The following SARS1 variants were observed in gnomAD, a reference collection of about 807,000 sequenced individuals.
SARS1 encodes the protein seryl-tRNA synthetase 1.
In SARS1, 25 loss-of-function variants were observed where a neutral mutation model predicts 63.7. The observed-to-expected ratio is 0.39, with a 90% confidence interval of 0.29 to 0.55. The LOEUF (loss-of-function observed/expected upper bound fraction) is 0.55. Among genes scored for constraint, SARS1 ranks in the 20% least tolerant of loss-of-function variants. The pLI, the probability that SARS1 is intolerant of heterozygous loss-of-function variation, is 0.62. For synonymous variants in SARS1, 231 were observed against 243.5 expected, an observed-to-expected ratio of 0.95 and a Z score of 0.48; for missense variants, 417 against 649.7, an observed-to-expected ratio of 0.64 and a Z score of 3.89.
intron 9 of SARS1, 147 bp downstream of exon 9, chr1:109,236,695 CCTT>C: frequency 2.0e-6 from 3 of 1,485,350 alleles, no homozygotes; most frequent in Non-Finnish European, 2.7e-6. Flanking sequence ...TCTGAAAATG[CCTT>C]CTACTGAGTC....
chr1:109,219,215 G>A (rs146984002), intron 1 of SARS1, among the ~76,000 whole-genome samples: 2,577 of 136,878 alleles, frequency 0.019, 100 homozygotes, highest in African/African-American at 0.067. Flanking sequence ...GCAGTGAGCC[G>A]AGATCACACC....
chr1:109,218,272 C>G (rs1654840316), intron 1 of SARS1, among the ~76,000 whole-genome samples: 1 of 148,806 alleles, frequency 6.7e-6, no homozygotes, highest in Admixed American at 6.8e-5. Context: ...GAGGCCGAGG[C>G]AGGAGAATTG....
At chr1:109,219,005 A>G (rs952638642) in intron 1 of SARS1, among the ~76,000 whole-genome samples, 10 of 151,696 alleles carry the variant, frequency 6.6e-5, no homozygotes, top group Middle Eastern at 3.2e-3. Flanking sequence ...GGTGGCTCAC[A>G]CCTGTAATCC....
At chr1:109,215,425 C>G in intron 1 of SARS1, 6 of 985,370 alleles carry the variant, frequency 6.1e-6, no homozygotes, top group Non-Finnish European at 7.2e-6. Flanking sequence ...GGATTTGTCC[C>G]TTATCTGAAA....
intron 2 of SARS1, 47 bp from the exon 3 acceptor site, chr1:109,228,305 G>A: frequency 2.2e-6 from 3 of 1,351,332 alleles, no homozygotes; most frequent in East Asian, 4.6e-5. Flanking sequence ...AACAATGCCA[G>A]AGATTTTCTT....
intron 2 of SARS1, among the ~76,000 whole-genome samples, chr1:109,225,780 C>G (rs1288706010): frequency 1.3e-5 from 2 of 152,180 alleles, no homozygotes; most frequent in African/African-American, 4.8e-5. Flanking sequence ...AAATCATATT[C>G]TAACTTAGTT....
chr1:109,218,460 C>T (rs1318274005), intron 1 of SARS1, among the ~76,000 whole-genome samples: 2 of 143,124 alleles, frequency 1.4e-5, no homozygotes, highest in African/African-American at 2.6e-5. Context: ...ATGTTTTACA[C>T]TTAAAGCACC....
chr1:109,233,484 C>CT (rs11375361), intron 6 of SARS1, among the ~76,000 whole-genome samples: 98,551 of 146,134 alleles, frequency 0.67, 35,234 homozygotes, highest in East Asian at 0.89. Context: ...TTCTTCCTTA[C>CT]TTTTTTTTTT....
intron 1 of SARS1, among the ~76,000 whole-genome samples, chr1:109,217,528 A>C (rs1654819594): frequency 6.7e-6 from 1 of 149,600 alleles, no homozygotes; most frequent in African/African-American, 2.4e-5. Context: ...AGTCTTGTAT[A>C]CCCAAAAGTT....
intron 2 of SARS1, among the ~76,000 whole-genome samples, chr1:109,226,677 A>AAATATAT (rs1178056468): frequency 4.5e-3 from 200 of 44,900 alleles, no homozygotes; most frequent in East Asian, 7.4e-3. Flanking sequence ...AAAAAAAAAA[A>AAATATAT]ATATATATAT....
chr1:109,222,898 C>A (rs980152946), intron 1 of SARS1, among the ~76,000 whole-genome samples: 8 of 152,132 alleles, frequency 5.3e-5, no homozygotes, highest in Non-Finnish European at 1.2e-4. Context: ...ACCTGTAGTC[C>A]TAGCTGCCTG....
At chr1:109,228,173 C>G (rs1179982361) in intron 2 of SARS1, among the ~76,000 whole-genome samples, 179 bp from the exon 3 acceptor site, 1 of 152,228 alleles carries the variant, frequency 6.6e-6, no homozygotes, top group Non-Finnish European at 1.5e-5. Flanking sequence ...GGGCTTGACA[C>G]TTTGACTTCT....
At chr1:109,218,715 A>G (rs887408199) in intron 1 of SARS1, among the ~76,000 whole-genome samples, 2 of 152,012 alleles carry the variant, frequency 1.3e-5, no homozygotes, top group Non-Finnish European at 2.9e-5. Context: ...CTCTTCCTGG[A>G]ATGCTCCTTA....
rs765052931 is a variant in SARS1, at chr1:109,213,969, A to C, written c.-24A>C. Reference sequence around the variant, plus strand: ...CTGCGGCGCGATCCTTGCTTCCCTGAGCGTTGGCCCGGGAGGAAAGAAGAT... The same window carrying C: ...CTGCGGCGCGATCCTTGCTTCCCTGCGCGTTGGCCCGGGAGGAAAGAAGAT... On this transcript the variant is annotated 5_prime_UTR_variant, in exon 1 of 11. Coordinates refer to ENST00000234677, the MANE Select transcript of SARS1 (RefSeq NM_006513.4). 8.1e-6 allele frequency: 13 copies of C among 1,599,424 alleles called. No homozygotes were observed. In the African/African-American group the frequency reaches 1.6e-4, roughly 20 times the overall value.
At chr1:109,220,424 A>C (rs1654903680) in intron 1 of SARS1, among the ~76,000 whole-genome samples, 1 of 152,226 alleles carries the variant, frequency 6.6e-6, no homozygotes, top group Non-Finnish European at 1.5e-5. Context: ...GTAGATATAT[A>C]GTGGTGTCTC....
In SARS1 at chr1:109,237,668, G is replaced by T. The variant is rs1266824177; in HGVS notation, c.1388-63G>T. On this transcript the variant is annotated intron_variant, in intron 10 of 10. Transcript: ENST00000234677. The surrounding 1 kb of genome is among the most constrained non-coding windows in gnomAD (Gnocchi z 4.1). ...TCATTGTCTTGTTGAATTCTCCCCA[G>T]AGGTCTTAGGGCTTTGACTCACTGA... 1.3e-6 allele frequency: 2 copies of T among 1,565,852 alleles called. No homozygotes were observed. The highest frequency in any genetic ancestry group is 1.7e-6 in the Non-Finnish European group (2 of 1,145,046).
At position 109,235,472 on chromosome 1, in the gene SARS1, T is replaced by C; in HGVS notation, c.969+41T>C. The stretch of plus-strand genomic sequence containing the variant: ...AGGGTAAGGAGTGGAACTTTCTCTG[T>C]CTCCAGAATGGTTAGATGAGAGATA... On this transcript the variant is annotated intron_variant, in intron 7 of 10. Transcript: ENST00000234677. This position sits in a 1 kb window ranked among gnomAD's most constrained non-coding sequence, Gnocchi z 4.7. 1 of 1,502,830 alleles carries C rather than the reference T, an allele frequency of 6.7e-7. No individual in the cohort carries two copies. Among genetic ancestry groups the C allele is most frequent in the Non-Finnish European group, 9.2e-7 (1 of 1,091,132 alleles). The allele number at this position is 1,502,830 out of a possible 1,614,324, so 93.1% of individuals were successfully genotyped here. A position where few individuals can be genotyped will look rare whatever the true frequency, so the allele number is the denominator to read the frequency against.
At chr1:109,231,252 A>T (rs1655205415) in intron 5 of SARS1, 1 of 272,450 alleles carries the variant, frequency 3.7e-6, no homozygotes, top group South Asian at 1.7e-4. Context: ...GTGGTCCTCC[A>T]TAATGAATGT....
chr1:109,216,522 C>G, intron 1 of SARS1: 1 of 985,180 alleles, frequency 1.0e-6, no homozygotes, highest in Non-Finnish European at 1.2e-6. Flanking sequence ...AATAGATTTC[C>G]ATGTAACTGG....
Sources: gnomAD v4.1 joint callset for allele counts (sites outside exome capture counted in the v4.1 genomes callset) on GRCh38, gnomAD v4.1.1 for gene constraint, Gnocchi (gnomAD v3.1) non-coding constraint, MANE v1.5 for transcripts, NCBI Gene and HGNC (gene_info 2026-07-23, HGNC 2026-07-21) for gene names.